The following ACP7 variants were observed in gnomAD, a reference collection of about 807,000 sequenced individuals.
ACP7 encodes the protein acid phosphatase type 7.
In ACP7, 58 loss-of-function variants were observed where a neutral mutation model predicts 60.6. The ratio of observed to expected loss-of-function variants is 0.96; its 90% CI spans 0.77 to 1.19. The LOEUF (loss-of-function observed/expected upper bound fraction) is 1.19, where lower values mean the gene tolerates loss of function less well. Ranked by LOEUF, ACP7 falls within the 50% of genes most tolerant of loss-of-function variation. The pLI, the probability that ACP7 is intolerant of heterozygous loss-of-function variation, is 0.00. For synonymous variants in ACP7, 237 were observed against 232.6 expected (o/e 1.02, Z -0.17); for missense variants, 574 against 596.2 (o/e 0.96, Z 0.39).
At chr19:39,091,079 A>G (rs180949534) in intron 2 of ACP7, among the ~76,000 whole-genome samples, 117 of 151,952 alleles carry the variant, frequency 7.7e-4, no homozygotes, top group African/African-American at 2.7e-3. Flanking sequence ...TGACATCACA[A>G]ATGATTCCAG....
In ACP7 at chr19:39,099,156, A is replaced by AGGGGCGCGCGCAGGGACGGTGG. The variant is rs760959336; in HGVS notation, c.505+31_505+52dup. On this transcript the variant is annotated intron_variant, in intron 4 of 12. Coordinates refer to ENST00000331256, the MANE Select transcript of ACP7 (RefSeq NM_001004318.3). ...TTCTCCATGTGGGTGAGGCATCCGC[A>AGGGGCGCGCGCAGGGACGGTGG]GGGGCGCGCGCAGGGACGGTGGGGG... The AGGGGCGCGCGCAGGGACGGTGG allele has an allele frequency of 1.7e-5, 24 of 1,451,062 alleles. No individual in the cohort carries two copies. Among genetic ancestry groups the AGGGGCGCGCGCAGGGACGGTGG allele is most frequent in the Middle Eastern group, 2.0e-4 (1 of 5,110 alleles). 89.9% of individuals were successfully genotyped at this position (1,451,062 alleles called of 1,614,324 possible).
At chr19:39,101,128 C>A (rs753778190) in intron 8 of ACP7, 22 bp from the exon 9 acceptor site, 1 of 1,613,998 alleles carries the variant, frequency 6.2e-7, no homozygotes, top group Non-Finnish European at 8.5e-7. Flanking sequence ...GTCACCCTCA[C>A]CCGCTCATTC....
intron 2 of ACP7, among the ~76,000 whole-genome samples, chr19:39,093,108 TTTTC>T (rs1197986642): frequency 1.7e-4 from 25 of 147,146 alleles, no homozygotes; most frequent in South Asian, 4.3e-4. Flanking sequence ...CTTTTTTTCT[TTTTC>T]TTTCTTTCTT....
In ACP7 at chr19:39,100,255, C is replaced by G. The variant is rs755784747; in HGVS notation, c.534C>G (p.Asp178Glu). The G allele has an allele frequency of 1.9e-6, 3 of 1,614,102 alleles. No individual in the cohort carries two copies. Among genetic ancestry groups the G allele is most frequent in the Non-Finnish European group, 2.5e-6 (3 of 1,180,014 alleles). ...ACTTTGCCTACAACCTGGATCAGGA[C>G]AACGCCCGTGTTGGGGATAGGTTCA... is the stretch of plus-strand genomic sequence containing the variant. The part of the protein sequence containing the change: ...VGDFAYNLDQ[D>E]NARVGDRFMR... The change falls in exon 5 of 13, where the codon GAC (aspartate) becomes GAG (glutamate). Residue 178 changes from aspartate to glutamate, a missense_variant. Transcript: ENST00000331256.
chr19:39,101,665 G>A, intron 11 of ACP7, 128 bp downstream of exon 11: 1 of 1,004,090 alleles, frequency 1.0e-6, no homozygotes, highest in Non-Finnish European at 1.5e-6. Flanking sequence ...CCTAAGGTCG[G>A]GAACTCCTAG....
chr19:39,098,307 C>A lies in ACP7; in HGVS notation c.122-151C>A, dbSNP rs544295578. The A allele has an allele frequency of 1.9e-5, 8 of 410,346 alleles. No homozygotes were observed. The South Asian group carries it at 7.3e-4, about 38-fold the overall frequency. The allele number at this position is 410,346 out of a possible 1,614,324, so 25.4% of individuals were successfully genotyped here. ...AAAGAAAAGAAAAGAAAAGAAATGG[C>A]GGGGCTGGGATTGAACTTGGGCAGT... is the stretch of plus-strand genomic sequence containing the variant. On this transcript the variant is annotated intron_variant, in intron 2 of 12. Coordinates refer to ENST00000331256, the MANE Select transcript of ACP7 (RefSeq NM_001004318.3).
At chr19:39,091,000 A>T (rs536114179) in intron 2 of ACP7, among the ~76,000 whole-genome samples, 1 of 152,026 alleles carries the variant, frequency 6.6e-6, no homozygotes, top group East Asian at 1.9e-4. Flanking sequence ...GGTCTCTCAG[A>T]ATTCCTTCAG....
At chr19:39,092,130 T>C (rs2073210354) in intron 2 of ACP7, among the ~76,000 whole-genome samples, 1 of 152,060 alleles carries the variant, frequency 6.6e-6, no homozygotes, top group African/African-American at 2.4e-5. Context: ...CTCAGCACTT[T>C]GGGAGGCAGA....
intron 2 of ACP7, among the ~76,000 whole-genome samples, chr19:39,092,345 G>A (rs1167223362): frequency 1.3e-5 from 2 of 150,474 alleles, no homozygotes; most frequent in African/African-American, 2.5e-5. Context: ...TTGCACTCCA[G>A]CCTTGGCAAC....
rs147058377 is a variant in ACP7 at position 39,094,359 on chromosome 19, C to T, written c.122-4099C>T. ...CTCTACTAAAAATACAAAAATTAGC[C>T]GGGCATGGTGGCACGCACCTGTAAT... is the stretch of plus-strand genomic sequence containing the variant. On this transcript the variant is annotated intron_variant, in intron 2 of 12. Coordinates refer to ENST00000331256, the MANE Select transcript of ACP7 (RefSeq NM_001004318.3). Among the ~76,000 whole-genome samples, 42 of 151,886 alleles carry T rather than the reference C, an allele frequency of 2.8e-4. 2 individuals are homozygous for T. In the East Asian group the frequency reaches 4.7e-3, roughly 17 times the overall value.
intron 2 of ACP7, among the ~76,000 whole-genome samples, chr19:39,085,950 C>T (rs1313547402): frequency 6.6e-6 from 1 of 152,110 alleles, no homozygotes; most frequent in Admixed American, 6.6e-5. Context: ...ACCTCTCTGT[C>T]CTCAGTCTCC....
intron 12 of ACP7, 107 bp from the exon 13 acceptor site, chr19:39,109,946 G>T (rs995451564): frequency 2.2e-5 from 25 of 1,136,474 alleles, no homozygotes; most frequent in Non-Finnish European, 2.3e-5. Context: ...CTTGCTCAGG[G>T]TTGTACAGCC....
chr19:39,100,298 G>A lies in ACP7; in HGVS notation c.577G>A (p.Val193Met), dbSNP rs768765497. 20 of 1,613,992 alleles carry A rather than the reference G, an allele frequency of 1.2e-5. No individual in the cohort carries two copies. Among genetic ancestry groups the A allele is most frequent in the South Asian group, 6.6e-5 (6 of 91,080 alleles). The change falls in exon 5 of 13, where the codon GTG becomes ATG. Residue 193 changes from valine (V) to methionine (M), a missense_variant. Physicochemically the swap from Val to Met is conservative, Grantham distance 21 (BLOSUM62 1). Transcript: ENST00000331256. ...GDRFMRLIEPVAASLPYMTCP... is the reference protein window; with the variant it reads ...GDRFMRLIEPMAASLPYMTCP... ...TAGGTTCATGCGGCTCATTGAACCC[G>A]TGGCTGCCAGCCTGCCGTACATGAC...
At position 39,098,659 on chromosome 19, in the gene ACP7, G is replaced by A. The variant is rs2073300291; in HGVS notation, c.322+1G>A. The A allele has an allele frequency of 6.2e-7, 1 of 1,607,504 alleles. No homozygotes were observed. The highest frequency in any genetic ancestry group is 8.5e-7 in the Non-Finnish European group (1 of 1,176,514). On this transcript the variant is annotated splice_donor_variant, in intron 3 of 12. Coordinates refer to ENST00000331256, the MANE Select transcript of ACP7 (RefSeq NM_001004318.3). LOFTEE classifies it high-confidence loss of function. ...AAGCTGCTGCCAGGGGTTCAGTATG[G>A]TGAGAGGGGCCCCAGGCTGAGCTGT...
chr19:39,086,110 G>A (rs2073138302), intron 2 of ACP7, among the ~76,000 whole-genome samples: 3 of 152,162 alleles, frequency 2.0e-5, no homozygotes, highest in African/African-American at 7.2e-5. Context: ...GATCACTTGA[G>A]CTCATGAGTT....
At chr19:39,094,954 G>A (rs983436849) in intron 2 of ACP7, among the ~76,000 whole-genome samples, 1 of 152,112 alleles carries the variant, frequency 6.6e-6, no homozygotes, top group Non-Finnish European at 1.5e-5. Flanking sequence ...AAAACCCTCA[G>A]ATCTCATGAG....
chr19:39,098,889 G>A (rs2073304360), intron 3 of ACP7, 71 bp from the exon 4 acceptor site: 1 of 1,007,520 alleles, frequency 9.9e-7, no homozygotes, highest in Admixed American at 2.3e-5. Context: ...CCACCAGTCG[G>A]GGAAGGATGG....
At chr19:39,104,997 A>G (rs2073396019) in intron 11 of ACP7, among the ~76,000 whole-genome samples, 1 of 148,360 alleles carries the variant, frequency 6.7e-6, no homozygotes, top group African/African-American at 2.5e-5. Flanking sequence ...AAATATGAAC[A>G]TTTAACCACT....
intron 11 of ACP7, among the ~76,000 whole-genome samples, chr19:39,103,441 G>GTTTTTTTTTTTTTT (rs58293250): frequency 3.1e-5 from 2 of 64,716 alleles, no homozygotes; most frequent in African/African-American, 6.7e-5. Flanking sequence ...ATCATCATGT[G>GTTTTTTTTTTTTTT]TTTTTTTTTT....
Sources: gnomAD v4.1 joint callset for allele counts (sites outside exome capture counted in the v4.1 genomes callset) on GRCh38, gnomAD v4.1.1 for gene constraint, MANE v1.5 for transcripts, NCBI Gene and HGNC (gene_info 2026-07-23, HGNC 2026-07-21) for gene names.